Variants in ERCC8 observed in about 807,000 individuals in gnomAD.
The protein encoded by ERCC8 is DNA excision repair protein ERCC-8.
ERCC8 carries 52 observed loss-of-function variants against 54.9 expected under a neutral mutation model. The observed-to-expected ratio is 0.95, with a 90% confidence interval of 0.76 to 1.19. The LOEUF (loss-of-function observed/expected upper bound fraction) is 1.19, where lower values mean the gene tolerates loss of function less well. Among genes scored for constraint, ERCC8 ranks in the 50% most tolerant of loss-of-function variants. The pLI, the probability that ERCC8 is intolerant of heterozygous loss-of-function variation, is 0.00. For synonymous variants in ERCC8, 146 were observed against 157.2 expected, an observed-to-expected ratio of 0.93 and a Z score of 0.53; for missense variants, 514 against 466.1, an observed-to-expected ratio of 1.10 and a Z score of -0.95.
intron 9 of ERCC8, among the ~76,000 whole-genome samples, chr5:60,894,412 T>C (rs1166418284): frequency 2.6e-4 from 39 of 152,254 alleles, no homozygotes; most frequent in Non-Finnish European, 1.2e-4. Context: ...ACATTAACTT[T>C]ATGATTTATA....
In ERCC8 at chr5:60,945,045, C is replaced by T. The variant is rs1323845191; in HGVS notation, c.-37G>A. ...ACACCGGCTGGAGCACTGGACGTCG[C>T]CATGACAGAGCTCAGGGGCGGGACT... is the stretch of plus-strand genomic sequence containing the variant. On this transcript the variant is annotated 5_prime_UTR_variant, in exon 1 of 12. Transcript: ENST00000676185. 6.3e-7 allele frequency: 1 copy of T among 1,577,442 alleles called. No individual in the cohort carries two copies. The highest frequency in any genetic ancestry group is 8.7e-7 in the Non-Finnish European group (1 of 1,146,498).
intron 4 of ERCC8, among the ~76,000 whole-genome samples, chr5:60,910,436 T>C (rs1749224166): frequency 6.6e-6 from 1 of 152,208 alleles, no homozygotes; most frequent in African/African-American, 2.4e-5. Context: ...AAGAGTCTGA[T>C]AGAAAATGCA....
chr5:60,874,384 G>A lies in ERCC8; in HGVS notation c.*231C>T. Reference sequence around the variant, plus strand: ...TGTTACTTGTACTGTAGCAATGAGGGCTTTCCCAGGCCACAACATCTGGGA... The same window carrying A: ...TGTTACTTGTACTGTAGCAATGAGGACTTTCCCAGGCCACAACATCTGGGA... On this transcript the variant is annotated 3_prime_UTR_variant, in exon 12 of 12. Transcript: ENST00000676185. The A allele has an allele frequency of 2.0e-6, 1 of 502,222 alleles. No individual in the cohort carries two copies. The highest frequency in any genetic ancestry group is 3.5e-6 in the Non-Finnish European group (1 of 281,884). The allele number at this position is 502,222 out of a possible 1,614,324, so 31.1% of individuals were successfully genotyped here. A position where few individuals can be genotyped will look rare whatever the true frequency, so the allele number is the denominator to read the frequency against.
intron 11 of ERCC8, among the ~76,000 whole-genome samples, chr5:60,876,110 T>C (rs564105662): frequency 6.6e-6 from 1 of 151,994 alleles, no homozygotes; most frequent in Non-Finnish European, 1.5e-5. Context: ...TTCCCACCTA[T>C]GAGTGAGAAC....
intron 9 of ERCC8, among the ~76,000 whole-genome samples, chr5:60,895,245 T>C (rs1190866042): frequency 6.6e-6 from 1 of 151,642 alleles, no homozygotes; most frequent in African/African-American, 2.4e-5. Flanking sequence ...TGTATGTATA[T>C]ATATACATAA....
chr5:60,904,626 GTGTGTGTGTATA>G (rs1346914944), intron 5 of ERCC8, among the ~76,000 whole-genome samples, 154 bp downstream of exon 5: 5 of 24,744 alleles, frequency 2.0e-4, no homozygotes, highest in East Asian at 3.6e-3. Flanking sequence ...TATATAGTGT[GTGTGTGTGTATA>G]TATATATATA....
chr5:60,930,936 G>A lies in ERCC8; in HGVS notation c.78-1977C>T, dbSNP rs111780469. On this transcript the variant is annotated intron_variant, in intron 1 of 11. Transcript: ENST00000676185. ...AGCCTGGCCAACATGGTGAAACCCCGTCTCTACTAAAAATACAAAAAAATT... is the reference window on the plus strand; with the variant it reads ...AGCCTGGCCAACATGGTGAAACCCCATCTCTACTAAAAATACAAAAAAATT... Among the ~76,000 whole-genome samples the A allele has an allele frequency of 5.8e-4, 88 of 152,026 alleles. 1 individual carries two copies. The highest frequency in any genetic ancestry group is 2.0e-3 in the African/African-American group (82 of 41,474).
Position 60,868,321 on chromosome 5 carries a change from TC to T in ERCC8, c.*6293del, listed in dbSNP as rs1747794871. On this transcript the variant is annotated 3_prime_UTR_variant, in exon 12 of 12. Transcript: ENST00000676185. ...GTTGGGACAGAGACACCCATTTCTT[TC>T]TAGACCTCAGAAGAGCATGAACTCG... Among the ~76,000 whole-genome samples, 1 of 152,188 alleles carries T rather than the reference TC, an allele frequency of 6.6e-6. No homozygotes were observed. The highest frequency in any genetic ancestry group is 1.5e-5 in the Non-Finnish European group (1 of 68,024).
intron 1 of ERCC8, among the ~76,000 whole-genome samples, chr5:60,937,428 T>C (rs1750099795): frequency 6.6e-6 from 1 of 152,138 alleles, no homozygotes; most frequent in Non-Finnish European, 1.5e-5. Flanking sequence ...GGAGCAGGGT[T>C]AGGCATGTCT....
chr5:60,884,217 A>G (rs1168007063), intron 11 of ERCC8, among the ~76,000 whole-genome samples: 1 of 152,054 alleles, frequency 6.6e-6, no homozygotes, highest in Non-Finnish European at 1.5e-5. Flanking sequence ...TGGTGGCTCA[A>G]GCCTGTAATC....
chr5:60,929,328 G>C (rs1194603986), intron 1 of ERCC8, among the ~76,000 whole-genome samples: 1 of 152,156 alleles, frequency 6.6e-6, no homozygotes, highest in Non-Finnish European at 1.5e-5. Context: ...GGGTGCAGTG[G>C]CTCATGCCTG....
chr5:60,944,372 A>G (rs1392431894), intron 1 of ERCC8, among the ~76,000 whole-genome samples: 2 of 152,158 alleles, frequency 1.3e-5, no homozygotes, highest in African/African-American at 4.8e-5. Context: ...AACAAAATGC[A>G]ATAGCTGTTA....
At chr5:60,940,009 A>G (rs1401004809) in intron 1 of ERCC8, among the ~76,000 whole-genome samples, 2 of 152,066 alleles carry the variant, frequency 1.3e-5, no homozygotes, top group African/African-American at 4.8e-5. Context: ...ATCTTTTGCA[A>G]TTCTTTTTCT....
At chr5:60,925,115 T>A (rs780151767) in intron 2 of ERCC8, among the ~76,000 whole-genome samples, 5 of 152,298 alleles carry the variant, frequency 3.3e-5, no homozygotes, top group South Asian at 2.1e-4. Flanking sequence ...TGCTCATTTT[T>A]ATGTAAAATT....
At chr5:60,902,650 A>G in intron 6 of ERCC8, 142 bp from the exon 7 acceptor site, 1 of 707,188 alleles carries the variant, frequency 1.4e-6, no homozygotes, top group South Asian at 1.6e-5. Context: ...GATTTATAAT[A>G]ATCGATGTTT....
chr5:60,900,518 T>C (rs1283838546), intron 7 of ERCC8: 1 of 152,070 alleles, frequency 6.6e-6, no homozygotes, highest in Non-Finnish European at 1.5e-5. Flanking sequence ...TACATTTTTA[T>C]AAGCCTATTT....
At chr5:60,898,249 C>G in intron 9 of ERCC8, 27 bp downstream of exon 9, 1 of 1,607,462 alleles carries the variant, frequency 6.2e-7, no homozygotes, top group Non-Finnish European at 8.5e-7. Flanking sequence ...TAATTTATAC[C>G]CAAATATATA....
In ERCC8 at chr5:60,945,050, A is replaced by T. The variant is rs752683992; in HGVS notation, c.-42T>A. ...GGCTGGAGCACTGGACGTCGCCATG[A>T]CAGAGCTCAGGGGCGGGACTGGAAC... On this transcript the variant is annotated 5_prime_UTR_variant, in exon 1 of 12. Transcript: ENST00000676185. The T allele has an allele frequency of 1.0e-5, 16 of 1,563,894 alleles. No homozygotes were observed. The Admixed American group carries it at 2.2e-4, about 21-fold the overall frequency.
At chr5:60,891,518 T>C (rs1456864995) in intron 9 of ERCC8, among the ~76,000 whole-genome samples, 5 of 152,068 alleles carry the variant, frequency 3.3e-5, no homozygotes, top group Admixed American at 3.3e-4. Flanking sequence ...GGGGTGTATA[T>C]TATATACTCC....
Sources: allele counts gnomAD v4.1 joint callset (sites outside exome capture counted in the v4.1 genomes callset), GRCh38; gene constraint gnomAD v4.1.1; transcripts MANE v1.5; gene names NCBI Gene and HGNC (gene_info 2026-07-23, HGNC 2026-07-21).